The following UBR3 variants were observed in gnomAD, a reference collection of about 807,000 sequenced individuals.
The protein encoded by UBR3 is E3 ubiquitin-protein ligase UBR3.
A neutral mutation model predicts 243.2 loss-of-function variants in UBR3; 85 were observed. The ratio of observed to expected loss-of-function variants is 0.35; its 90% CI spans 0.29 to 0.42. The LOEUF (loss-of-function observed/expected upper bound fraction) is 0.42. Ranked by LOEUF, UBR3 falls within the 10% of genes least tolerant of loss-of-function variation. The pLI is 1.00. For missense variants in UBR3, 1,686 were observed against 2,300.8 expected (o/e 0.73, Z 5.47); for synonymous variants, 748 against 799.8 (o/e 0.94, Z 1.09).
chr2:169,967,385 GAT>G (rs1361417090), intron 24 of UBR3, among the ~76,000 whole-genome samples: 2 of 151,648 alleles, frequency 1.3e-5, no homozygotes, highest in Non-Finnish European at 2.9e-5. Context: ...GGATAGAAGT[GAT>G]ATTCTGAGTG....
chr2:170,033,217 T>A (rs1300585251), intron 31 of UBR3, among the ~76,000 whole-genome samples: 1 of 152,058 alleles, frequency 6.6e-6, no homozygotes, highest in African/African-American at 2.4e-5. Flanking sequence ...GATTTCTGGA[T>A]TTTGTTCTTT....
intron 24 of UBR3, among the ~76,000 whole-genome samples, chr2:169,972,250 G>A (rs1339964009): frequency 6.6e-6 from 1 of 152,068 alleles, no homozygotes; most frequent in Non-Finnish European, 1.5e-5. Context: ...AATAACAGGA[G>A]CTGCAATTGT....
At chr2:169,968,611 C>T (rs1056831378) in intron 24 of UBR3, among the ~76,000 whole-genome samples, 5 of 152,106 alleles carry the variant, frequency 3.3e-5, no homozygotes, top group African/African-American at 1.2e-4. Flanking sequence ...TTGATAGAAA[C>T]TTAGGGTGCT....
rs74456525 is a variant in UBR3, at chr2:169,913,869, G to A, written c.1780-191G>A. ...TGTATTGTAAAAAAGGAAGCGTATT[G>A]ACTTACTTAATTTTCATATTTGTCA... is the stretch of plus-strand genomic sequence containing the variant. On this transcript the variant is annotated intron_variant, in intron 10 of 38. Coordinates refer to ENST00000272793, the MANE Select transcript of UBR3 (RefSeq NM_172070.4). Among the ~76,000 whole-genome samples the A allele has an allele frequency of 8.0e-3, 1,212 of 152,046 alleles. 18 individuals carry two copies. Among genetic ancestry groups the A allele is most frequent in the African/African-American group, 0.028 (1,150 of 41,490 alleles).
chr2:170,012,902 G>A (rs2090127102), intron 29 of UBR3, among the ~76,000 whole-genome samples: 1 of 152,024 alleles, frequency 6.6e-6, no homozygotes, highest in East Asian at 1.9e-4. Flanking sequence ...AGCATACTTT[G>A]GTCATGCAAA....
chr2:170,015,300 T>C lies in UBR3; in HGVS notation c.4387T>C (p.Leu1463=). ...SVARTNLELE[L]IHRGGNLCSG... ...TTACAGAACCAATTTAGAACTTGAATTGATTCATCGAGGAGGCAATTTGTG... is the reference window on the plus strand; with the variant it reads ...TTACAGAACCAATTTAGAACTTGAACTGATTCATCGAGGAGGCAATTTGTG... The change falls in exon 30 of 39, where the codon TTG becomes CTG. Residue 1463 remains leucine (L), a synonymous_variant. Coordinates refer to ENST00000272793, the MANE Select transcript of UBR3 (RefSeq NM_172070.4). 1 of 1,610,612 alleles carries C rather than the reference T, an allele frequency of 6.2e-7. No homozygotes were observed.
intron 35 of UBR3, 66 bp from the exon 36 acceptor site, chr2:170,073,362 C>A: frequency 3.8e-6 from 6 of 1,573,320 alleles, no homozygotes; most frequent in Non-Finnish European, 5.2e-6. Context: ...ATGAGGGTGA[C>A]CTTTTATGTA....
intron 1 of UBR3, among the ~76,000 whole-genome samples, chr2:169,868,350 A>G (rs1038131474): frequency 5.3e-5 from 8 of 152,060 alleles, no homozygotes; most frequent in African/African-American, 1.4e-4. Flanking sequence ...TAAATTTTTT[A>G]TTTTTATTTA....
chr2:169,995,024 A>T (rs2089428729), intron 26 of UBR3, among the ~76,000 whole-genome samples: 1 of 152,212 alleles, frequency 6.6e-6, no homozygotes, highest in African/African-American at 2.4e-5. Context: ...GGCTCCAGCC[A>T]CTTATGACTG....
chr2:170,006,676 T>G (rs896967227), intron 27 of UBR3, among the ~76,000 whole-genome samples: 2 of 152,188 alleles, frequency 1.3e-5, no homozygotes, highest in African/African-American at 4.8e-5. Flanking sequence ...ATGTGGCCTG[T>G]TTTTTGAATT....
chr2:169,975,547 G>A (rs1206596797), intron 24 of UBR3, among the ~76,000 whole-genome samples: 1 of 152,188 alleles, frequency 6.6e-6, no homozygotes, highest in Non-Finnish European at 1.5e-5. Context: ...CTGAGAGTGG[G>A]CTGTTGCCAA....
chr2:169,885,484 A>T (rs952089894), intron 5 of UBR3, among the ~76,000 whole-genome samples: 1 of 152,136 alleles, frequency 6.6e-6, no homozygotes, highest in African/African-American at 2.4e-5. Flanking sequence ...AGGTTGAGGC[A>T]GGAGGATCAC....
chr2:169,852,570 C>T (rs974206546), intron 1 of UBR3, among the ~76,000 whole-genome samples: 6 of 151,848 alleles, frequency 4.0e-5, no homozygotes, highest in South Asian at 2.1e-4. Context: ...AGGCTGGGCA[C>T]GGTGGCTCAC....
At chr2:170,056,845 G>A (rs1027727987) in intron 33 of UBR3, among the ~76,000 whole-genome samples, 14 of 152,122 alleles carry the variant, frequency 9.2e-5, no homozygotes, top group African/African-American at 2.7e-4. Context: ...TATTTATTAT[G>A]TGTCAGTTGG....
intron 31 of UBR3, among the ~76,000 whole-genome samples, chr2:170,030,646 G>A (rs575732033): frequency 2.5e-4 from 38 of 152,026 alleles, no homozygotes; most frequent in South Asian, 2.3e-3. Context: ...TTTGTCATTA[G>A]AATATGTACT....
chr2:169,926,241 G>A (rs1187861985), intron 14 of UBR3, among the ~76,000 whole-genome samples: 6 of 152,186 alleles, frequency 3.9e-5, no homozygotes, highest in Non-Finnish European at 8.8e-5. Flanking sequence ...GGGACTATCT[G>A]TCTTCAGGTC....
At chr2:169,985,685 G>T (rs2088968967) in intron 24 of UBR3, among the ~76,000 whole-genome samples, 1 of 151,870 alleles carries the variant, frequency 6.6e-6, no homozygotes, top group South Asian at 2.1e-4. Context: ...ATTTCTTTGT[G>T]GCATCTTTTT....
intron 24 of UBR3, among the ~76,000 whole-genome samples, chr2:169,983,495 A>G (rs2088853046): frequency 6.6e-6 from 1 of 152,024 alleles, no homozygotes; most frequent in Admixed American, 6.6e-5. Flanking sequence ...TCCTGGCCTC[A>G]GGCAATCCAC....
intron 36 of UBR3, among the ~76,000 whole-genome samples, chr2:170,075,999 G>C (rs938086901): frequency 6.6e-6 from 1 of 151,604 alleles, no homozygotes; most frequent in Non-Finnish European, 1.5e-5. Flanking sequence ...TTGGGAAGAA[G>C]AGAAACCACA....
Sources: gnomAD v4.1 joint callset for allele counts (sites outside exome capture counted in the v4.1 genomes callset) on GRCh38, gnomAD v4.1.1 for gene constraint, MANE v1.5 for transcripts, NCBI Gene and HGNC (gene_info 2026-07-23, HGNC 2026-07-21) for gene names.